Variants in ROBO2 observed in about 807,000 individuals in gnomAD.
The protein encoded by ROBO2 is roundabout guidance receptor 2, also known as roundabout homolog 2.
A neutral mutation model predicts 160.8 loss-of-function variants in ROBO2; 53 were observed. The observed-to-expected ratio is 0.33, with a 90% CI of 0.26 to 0.41. The LOEUF (loss-of-function observed/expected upper bound fraction) is 0.41. ROBO2 is among the 10% of genes least tolerant of loss of function. ROBO2 has a pLI of 1.00. For synonymous variants in ROBO2, 664 were observed against 611.7 expected (o/e 1.09, Z -1.26); for missense variants, 1,577 against 1,722.4 (o/e 0.92, Z 1.49).
chr3:76,524,826 TAA>T (rs58091252), intron 2 of ROBO2, among the ~76,000 whole-genome samples: 3 of 21,736 alleles, frequency 1.4e-4, no homozygotes, highest in Non-Finnish European at 1.8e-4. Context: ...CTCTTATTCC[TAA>T]AAAAAAAAAA....
At chr3:76,190,293 C>T (rs890349766) in intron 2 of ROBO2, among the ~76,000 whole-genome samples, 6 of 152,004 alleles carry the variant, frequency 3.9e-5, no homozygotes, top group South Asian at 2.1e-4. Context: ...GTGTCCCTCC[C>T]GAAGAGGTGT....
At chr3:75,929,172 C>CGTACGTGT (rs1491242354) in intron 1 of ROBO2, among the ~76,000 whole-genome samples, 17 of 113,604 alleles carry the variant, frequency 1.5e-4, no homozygotes, top group African/African-American at 7.5e-4. Context: ...CTGGATAAGA[C>CGTACGTGT]GTGTGTGTGT....
chr3:76,119,916 CCCTTCCTTCCTT>C (rs551169822), intron 2 of ROBO2, among the ~76,000 whole-genome samples: 5,800 of 88,078 alleles, frequency 0.066, 288 homozygotes, highest in Middle Eastern at 0.12. Context: ...TTCCCTCCCT[CCCTTCCTTCCTT>C]CCTTCCTTCC....
intron 2 of ROBO2, among the ~76,000 whole-genome samples, chr3:76,076,614 A>G (rs1384174104): frequency 6.6e-6 from 1 of 152,216 alleles, no homozygotes; most frequent in Admixed American, 6.5e-5. Context: ...TAGAAATTGC[A>G]TTACACTTAA....
At chr3:76,418,495 T>C (rs1383627777) in intron 2 of ROBO2, among the ~76,000 whole-genome samples, 3 of 152,126 alleles carry the variant, frequency 2.0e-5, no homozygotes, top group Non-Finnish European at 4.4e-5. Flanking sequence ...CGCCTCGGCC[T>C]CCCAAGTGTT....
intron 1 of ROBO2, among the ~76,000 whole-genome samples, chr3:75,913,827 A>G (rs1439204155): frequency 1.3e-5 from 2 of 152,218 alleles, no homozygotes. Flanking sequence ...ATAAATTTTC[A>G]AAGGGATGTT....
At chr3:76,906,173 A>C (rs879628893) in intron 2 of ROBO2, among the ~76,000 whole-genome samples, 2 of 152,132 alleles carry the variant, frequency 1.3e-5, no homozygotes, top group Admixed American at 1.3e-4. Flanking sequence ...AAAAACTGAC[A>C]TTCATAAAAT....
intron 2 of ROBO2, among the ~76,000 whole-genome samples, chr3:77,358,389 G>A (rs1185679700): frequency 6.6e-6 from 1 of 151,990 alleles, no homozygotes; most frequent in African/African-American, 2.4e-5. Context: ...ACCTTACTCC[G>A]ATGTGACATC....
intron 2 of ROBO2, among the ~76,000 whole-genome samples, chr3:76,910,063 T>C (rs752242929): frequency 6.6e-6 from 1 of 152,214 alleles, no homozygotes; most frequent in Non-Finnish European, 1.5e-5. Context: ...AAAACTGGCA[T>C]GTAACTACTG....
intron 2 of ROBO2, among the ~76,000 whole-genome samples, chr3:76,499,873 T>C (rs2080365040): frequency 6.6e-6 from 1 of 152,136 alleles, no homozygotes; most frequent in African/African-American, 2.4e-5. Flanking sequence ...TTTTTAATGA[T>C]GGTTCCAAGC....
At chr3:77,196,269 GT>G (rs1457650127) in intron 2 of ROBO2, among the ~76,000 whole-genome samples, 6 of 151,108 alleles carry the variant, frequency 4.0e-5, no homozygotes, top group African/African-American at 1.5e-4. Flanking sequence ...TGTAGGATTA[GT>G]CCAATACTAC....
At chr3:77,219,407 A>C (rs2085424234) in intron 2 of ROBO2, among the ~76,000 whole-genome samples, 1 of 137,272 alleles carries the variant, frequency 7.3e-6, no homozygotes, top group Admixed American at 7.7e-5. Flanking sequence ...ATTTTGAGAG[A>C]ATCATCTTGA....
At chr3:77,303,909 A>G (rs1304192165) in intron 2 of ROBO2, among the ~76,000 whole-genome samples, 1 of 152,142 alleles carries the variant, frequency 6.6e-6, no homozygotes, top group Non-Finnish European at 1.5e-5. Flanking sequence ...TCACATTTCA[A>G]CTTCACCTTT....
At chr3:76,136,693 T>C (rs1436320270) in intron 2 of ROBO2, among the ~76,000 whole-genome samples, 1 of 151,940 alleles carries the variant, frequency 6.6e-6, no homozygotes, top group Non-Finnish European at 1.5e-5. Context: ...TAATAAAATA[T>C]AGACCACTAA....
intron 1 of ROBO2, among the ~76,000 whole-genome samples, chr3:75,923,804 G>T (rs1191258953): frequency 6.6e-6 from 1 of 152,214 alleles, no homozygotes; most frequent in African/African-American, 2.4e-5. Context: ...TTTCAGGAAG[G>T]AGTTTGCACA....
chr3:76,574,898 A>G (rs1447740505), intron 2 of ROBO2, among the ~76,000 whole-genome samples: 2 of 152,122 alleles, frequency 1.3e-5, no homozygotes, highest in African/African-American at 4.8e-5. Context: ...TTAAAAACCT[A>G]TTTAAAAACT....
chr3:76,992,538 T>A (rs1315747068), intron 2 of ROBO2, among the ~76,000 whole-genome samples: 2 of 151,636 alleles, frequency 1.3e-5, no homozygotes, highest in South Asian at 2.1e-4. Flanking sequence ...GAGTTCTCAC[T>A]CCGTAATTTC....
At chr3:76,376,064 C>G (rs2076330954) in intron 2 of ROBO2, among the ~76,000 whole-genome samples, 1 of 151,984 alleles carries the variant, frequency 6.6e-6, no homozygotes. Flanking sequence ...ATTTCTATCT[C>G]CTTCATGTGG....
At chr3:76,896,308 T>C (rs2074769222) in intron 2 of ROBO2, among the ~76,000 whole-genome samples, 1 of 152,170 alleles carries the variant, frequency 6.6e-6, no homozygotes, top group Non-Finnish European at 1.5e-5. Context: ...ACTGAACACA[T>C]TATCTTTTCA....
Sources: allele counts gnomAD v4.1 joint callset (sites outside exome capture counted in the v4.1 genomes callset), GRCh38; gene constraint gnomAD v4.1.1; transcripts MANE v1.5; gene names NCBI Gene and HGNC (gene_info 2026-07-23, HGNC 2026-07-21).